Variants in RPS6KA1 observed in about 807,000 individuals in gnomAD.
RPS6KA1 encodes ribosomal protein S6 kinase A1, also known as ribosomal protein S6 kinase alpha-1.
A neutral mutation model predicts 91.3 loss-of-function variants in RPS6KA1; 48 were observed. The ratio of observed to expected loss-of-function variants is 0.53; its 90% CI spans 0.42 to 0.67. The LOEUF (loss-of-function observed/expected upper bound fraction) is 0.67, where lower values mean the gene tolerates loss of function less well. RPS6KA1 is among the 30% of genes least tolerant of loss of function. RPS6KA1 has a pLI of 0.00. For synonymous variants in RPS6KA1, 359 were observed against 384.7 expected (o/e 0.93, Z 0.78); for missense variants, 719 against 960.5 (o/e 0.75, Z 3.32).
intron 17 of RPS6KA1, among the ~76,000 whole-genome samples, chr1:26,566,834 G>T (rs979824593): frequency 1.3e-5 from 2 of 152,200 alleles, no homozygotes; most frequent in African/African-American, 4.8e-5. Flanking sequence ...ATAATAGAGG[G>T]CTTCTCCCTT....
In RPS6KA1 at chr1:26,540,307, G is replaced by A. The variant is rs765810673; in HGVS notation, c.108+3338G>A. On this transcript the variant is annotated intron_variant, in intron 2 of 21. Transcript: ENST00000374168. This position sits in a 1 kb window ranked among gnomAD's most constrained non-coding sequence, Gnocchi z 4.2. Reference sequence around the variant, plus strand: ...TTCAGACAGGGAAACAGATTTGCCCGGGAGCACCCAGCTAGTGAGTGGCCA... The same window carrying A: ...TTCAGACAGGGAAACAGATTTGCCCAGGAGCACCCAGCTAGTGAGTGGCCA... 7.2e-5 allele frequency among the ~76,000 whole-genome samples: 11 copies of A among 152,164 alleles called. No homozygotes were observed. Among genetic ancestry groups the A allele is most frequent in the South Asian group, 2.1e-4 (1 of 4,828 alleles).
At chr1:26,557,806 C>T (rs1015765483) in intron 13 of RPS6KA1, among the ~76,000 whole-genome samples, 3 of 135,788 alleles carry the variant, frequency 2.2e-5, no homozygotes, top group Non-Finnish European at 3.2e-5. Flanking sequence ...CCCCTCCCCT[C>T]CCCTTCCCTC....
At chr1:26,565,808 G>T (rs555611457) in intron 17 of RPS6KA1, among the ~76,000 whole-genome samples, 1 of 151,906 alleles carries the variant, frequency 6.6e-6, no homozygotes, top group East Asian at 1.9e-4. Context: ...GTGATCCACC[G>T]GTCTCGGCCT....
intron 4 of RPS6KA1, among the ~76,000 whole-genome samples, chr1:26,548,857 G>A (rs1057232796): frequency 2.6e-5 from 4 of 151,700 alleles, no homozygotes; most frequent in African/African-American, 9.7e-5. Context: ...TAACTCCGGT[G>A]TGGTCCTTGT....
chr1:26,559,638 C>T (rs2076137278), intron 14 of RPS6KA1, among the ~76,000 whole-genome samples: 2 of 151,766 alleles, frequency 1.3e-5, no homozygotes, highest in Non-Finnish European at 2.9e-5. Flanking sequence ...CCTCAGCCTC[C>T]CAAGGTGCTG....
intron 1 of RPS6KA1, among the ~76,000 whole-genome samples, chr1:26,530,299 A>G (rs189470300): frequency 7.2e-5 from 11 of 152,336 alleles, no homozygotes; most frequent in Non-Finnish European, 1.5e-4. Context: ...AGCTTCCTCC[A>G]TTAATGCAGA....
At chr1:26,548,355 GTA>G (rs1161944792) in intron 4 of RPS6KA1, among the ~76,000 whole-genome samples, 1 of 152,130 alleles carries the variant, frequency 6.6e-6, no homozygotes, top group Non-Finnish European at 1.5e-5. Flanking sequence ...GTGTAGTCTT[GTA>G]GAGGGTGGGC....
chr1:26,547,496 G>A lies in RPS6KA1; in HGVS notation c.307+226G>A, dbSNP rs2076005997. 1.9e-6 allele frequency: 1 copy of A among 528,806 alleles called. No homozygotes were observed. The highest frequency in any genetic ancestry group is 3.4e-6 in the Non-Finnish European group (1 of 291,426). The allele number at this position is 528,806 out of a possible 1,614,324, so 32.8% of individuals were successfully genotyped here. A position where few individuals can be genotyped will look rare whatever the true frequency, so the allele number is the denominator to read the frequency against. On this transcript the variant is annotated intron_variant, in intron 4 of 21. Coordinates refer to ENST00000374168, the MANE Select transcript of RPS6KA1 (RefSeq NM_002953.4). The surrounding 1 kb of genome is among the most constrained non-coding windows in gnomAD (Gnocchi z 4.1). ...TGAAGGTCTGGAAGGTGGTAATAGG[G>A]TAAATGCAATGTGTTTGTCAGGGGG...
intron 14 of RPS6KA1, among the ~76,000 whole-genome samples, chr1:26,560,338 G>A (rs1296545476): frequency 6.6e-6 from 1 of 152,202 alleles, no homozygotes; most frequent in African/African-American, 2.4e-5. Context: ...CCCAGAAAGG[G>A]AGGCAGGCCA....
At chr1:26,530,073 G>T in intron 1 of RPS6KA1, 90 bp downstream of exon 1, 1 of 940,518 alleles carries the variant, frequency 1.1e-6, no homozygotes, top group Non-Finnish European at 1.4e-6. Context: ...GCTGCAGTCC[G>T]GCGGGCGCCC....
intron 17 of RPS6KA1, among the ~76,000 whole-genome samples, chr1:26,565,058 AAC>A (rs1232992562): frequency 7.2e-5 from 11 of 152,210 alleles, no homozygotes; most frequent in African/African-American, 2.2e-4. Flanking sequence ...AAGTATAGAT[AAC>A]CACTTGGTGA....
Position 26,551,378 on chromosome 1 carries a change from TC to T in RPS6KA1, c.308-17del, listed in dbSNP as rs1249833170. 5 of 1,612,562 alleles carry T rather than the reference TC, an allele frequency of 3.1e-6. No individual in the cohort carries two copies. The highest frequency in any genetic ancestry group is 4.2e-6 in the Non-Finnish European group (5 of 1,178,826). Reference sequence around the variant, plus strand: ...TTGAGTGTCTAGGCTACTGGTGACTTCCTTTCTCGTCTGGCCAGTACGTGAC... The same window carrying T: ...TTGAGTGTCTAGGCTACTGGTGACTTCTTTCTCGTCTGGCCAGTACGTGAC... On this transcript the variant is annotated intron_variant, in intron 4 of 21. Coordinates refer to ENST00000374168, the MANE Select transcript of RPS6KA1 (RefSeq NM_002953.4). The surrounding 1 kb of genome is among the most constrained non-coding windows in gnomAD (Gnocchi z 4.5).
chr1:26,536,643 A>C (rs1425779129), intron 1 of RPS6KA1, among the ~76,000 whole-genome samples: 2 of 152,198 alleles, frequency 1.3e-5, no homozygotes, highest in Non-Finnish European at 2.9e-5. Flanking sequence ...ATTTGAACTA[A>C]GTCTTCAGAG....
At chr1:26,530,843 A>G (rs1557485260) in intron 1 of RPS6KA1, 1 of 1,287,440 alleles carries the variant, frequency 7.8e-7, no homozygotes, top group Non-Finnish European at 1.0e-6. Flanking sequence ...GGTCAAGGTC[A>G]AGCCCCTGAA....
Position 26,554,773 on chromosome 1 carries a change from A to T in RPS6KA1, c.756+35A>T. On this transcript the variant is annotated intron_variant, in intron 9 of 21. Coordinates refer to ENST00000374168, the MANE Select transcript of RPS6KA1 (RefSeq NM_002953.4). The surrounding 1 kb of genome is among the most constrained non-coding windows in gnomAD (Gnocchi z 4.6). ...CAGACAGGGGTAAAGGATCCAGCCC[A>T]AGCCTCTGGCCTCAGTCTCCCTATC... is the stretch of plus-strand genomic sequence containing the variant. The T allele has an allele frequency of 6.4e-7, 1 of 1,572,058 alleles. No homozygotes were observed. The highest frequency in any genetic ancestry group is 8.7e-7 in the Non-Finnish European group (1 of 1,152,784).
At chr1:26,566,995 G>A (rs2076208317) in intron 17 of RPS6KA1, among the ~76,000 whole-genome samples, 1 of 151,574 alleles carries the variant, frequency 6.6e-6, no homozygotes, top group African/African-American at 2.4e-5. Context: ...CAGGCCAGGC[G>A]GGGTTCTGTG....
intron 17 of RPS6KA1, among the ~76,000 whole-genome samples, chr1:26,563,657 G>A (rs913590058): frequency 2.6e-5 from 4 of 152,136 alleles, no homozygotes; most frequent in Non-Finnish European, 5.9e-5. Context: ...TTATGCCACC[G>A]ACATATTGTA....
intron 1 of RPS6KA1, among the ~76,000 whole-genome samples, chr1:26,533,226 C>T (rs543599499): frequency 2.3e-4 from 35 of 152,272 alleles, no homozygotes; most frequent in African/African-American, 8.2e-4. Flanking sequence ...ACTACAGGCC[C>T]GTGTCACCAT....
chr1:26,562,448 G>A (rs574900754), intron 17 of RPS6KA1, among the ~76,000 whole-genome samples: 1 of 152,326 alleles, frequency 6.6e-6, no homozygotes, highest in East Asian at 1.9e-4. Flanking sequence ...AAGGCTTCAG[G>A]GAGGTGAATT....
Sources: gnomAD v4.1 joint callset for allele counts (sites outside exome capture counted in the v4.1 genomes callset) on GRCh38, gnomAD v4.1.1 for gene constraint, Gnocchi (gnomAD v3.1) non-coding constraint, MANE v1.5 for transcripts, NCBI Gene and HGNC (gene_info 2026-07-23, HGNC 2026-07-21) for gene names.